A1CF: variants seen among roughly 807,000 people sequenced by gnomAD.
A1CF encodes APOBEC1 complementation factor.
A1CF carries 48 observed loss-of-function variants against 68.9 expected under a neutral mutation model. That is an observed-to-expected ratio of 0.70 (90% CI 0.55 to 0.89). A1CF has a LOEUF of 0.89. Ranked by LOEUF, A1CF falls within the 40% of genes least tolerant of loss-of-function variation. A1CF has a pLI of 0.00. For synonymous variants in A1CF, 272 were observed against 260.4 expected (o/e 1.04, Z -0.43); for missense variants, 653 against 718.9 (o/e 0.91, Z 1.05).
At chr10:50,872,370 T>C (rs1445493122) in intron 1 of A1CF, among the ~76,000 whole-genome samples, 2 of 152,144 alleles carry the variant, frequency 1.3e-5, no homozygotes, top group Non-Finnish European at 2.9e-5. Flanking sequence ...GGGTAATAAA[T>C]CAAGGTAGAG....
chr10:50,806,580 A>G lies in A1CF; in HGVS notation c.*149T>C. The G allele has an allele frequency of 1.8e-6, 1 of 547,296 alleles. No individual in the cohort carries two copies. The highest frequency in any genetic ancestry group is 2.8e-6 in the Non-Finnish European group (1 of 357,350). The allele number at this position is 547,296 out of a possible 1,614,324, so 33.9% of individuals were successfully genotyped here. A position where few individuals can be genotyped will look rare whatever the true frequency, so the allele number is the denominator to read the frequency against. On this transcript the variant is annotated 3_prime_UTR_variant, in exon 13 of 13. Transcript: ENST00000373997. ...AATAACGTTCTTACTTCATGATTCT[A>G]TAATTGGTATAAGCTATACAGTCTC... is the stretch of plus-strand genomic sequence containing the variant.
At chr10:50,852,409 C>T (rs189013267) in intron 3 of A1CF, among the ~76,000 whole-genome samples, 23 of 152,252 alleles carry the variant, frequency 1.5e-4, no homozygotes, top group Admixed American at 3.3e-4. Context: ...TTTCACACCA[C>T]GCTATGGCAT....
intron 1 of A1CF, among the ~76,000 whole-genome samples, chr10:50,881,413 T>C (rs1173630421): frequency 3.3e-5 from 5 of 152,234 alleles, no homozygotes; most frequent in Admixed American, 2.6e-4. Context: ...TAATCAGATT[T>C]GTACAATTGG....
Position 50,836,199 on chromosome 10 carries a change from G to T in A1CF, c.479C>A (p.Thr160Asn), listed in dbSNP as rs1279321864. 1 of 1,613,866 alleles carries T rather than the reference G, an allele frequency of 6.2e-7. No individual in the cohort carries two copies. The highest frequency in any genetic ancestry group is 8.5e-7 in the Non-Finnish European group (1 of 1,179,916). ...GACGATGACATCGACAACACCTTCAGTAACCTTTTTCATCTCCGATAAGAT... is the reference window on the plus strand; with the variant it reads ...GACGATGACATCGACAACACCTTCATTAACCTTTTTCATCTCCGATAAGAT... ...EEILSEMKKV[T>N]EGVVDVIVYP... Residue 160 changes from threonine (T) to asparagine (N), a missense_variant, in exon 6 of 13, where the codon ACT becomes AAT. Physicochemically the swap from Thr to Asn is moderately conservative, Grantham distance 65. Transcript: ENST00000373997.
chr10:50,861,957 G>A (rs1840767216), intron 2 of A1CF, among the ~76,000 whole-genome samples: 1 of 150,340 alleles, frequency 6.7e-6, no homozygotes, highest in South Asian at 2.1e-4. Context: ...CGTAATAATA[G>A]TAATACTATA....
intron 2 of A1CF, among the ~76,000 whole-genome samples, 175 bp from the exon 3 acceptor site, chr10:50,860,160 A>T (rs1398713926): frequency 6.6e-6 from 1 of 152,146 alleles, no homozygotes; most frequent in Non-Finnish European, 1.5e-5. Flanking sequence ...AAAAACTTTT[A>T]AAAATGCACA....
At chr10:50,837,804 C>T (rs1036198231) in intron 5 of A1CF, among the ~76,000 whole-genome samples, 29 of 151,990 alleles carry the variant, frequency 1.9e-4, no homozygotes, top group African/African-American at 7.0e-4. Context: ...GCTCTGCAGT[C>T]GTTAAAAAGA....
rs1391073251 is a variant in A1CF, at chr10:50,806,750, C to T, written c.1740G>A (p.Gly580=). 3.1e-6 allele frequency: 5 copies of T among 1,607,396 alleles called. No homozygotes were observed. The highest frequency in any genetic ancestry group is 4.2e-6 in the Non-Finnish European group (5 of 1,177,272). Residue 580 remains glycine (G), a synonymous_variant, in exon 13 of 13, where the codon GGG becomes GGA. Coordinates refer to ENST00000373997, the MANE Select transcript of A1CF (RefSeq NM_014576.4). ...VYPTFAVTAR[G]DGYGTF Reference sequence around the variant, plus strand: ...ATCTTCAGAAGGTGCCATATCCATCCCCTCGGGCAGTCACTGCAAAAGTTG... The same window carrying T: ...ATCTTCAGAAGGTGCCATATCCATCTCCTCGGGCAGTCACTGCAAAAGTTG...
At position 50,847,154 on chromosome 10, in the gene A1CF, C is replaced by A. The variant is rs558529712; in HGVS notation, c.100-3032G>T. On this transcript the variant is annotated intron_variant, in intron 3 of 12. Coordinates refer to ENST00000373997, the MANE Select transcript of A1CF (RefSeq NM_014576.4). The stretch of plus-strand genomic sequence containing the variant: ...TCAAGGGAAGCATTCTCCCCAGCAG[C>A]ACAAATGTATTAATAGTTCAGACTA... Among the ~76,000 whole-genome samples the A allele has an allele frequency of 7.9e-5, 12 of 152,288 alleles. No homozygotes were observed. In the South Asian group the frequency reaches 2.5e-3, roughly 32 times the overall value.
intron 3 of A1CF, among the ~76,000 whole-genome samples, chr10:50,853,749 A>C (rs1350314707): frequency 1.2e-5 from 1 of 81,682 alleles, no homozygotes; most frequent in Non-Finnish European, 2.6e-5. Context: ...TGGAGTCAGC[A>C]ATTTTTTTTT....
At chr10:50,843,412 C>T (rs1414106006) in intron 4 of A1CF, among the ~76,000 whole-genome samples, 1 of 152,116 alleles carries the variant, frequency 6.6e-6, no homozygotes, top group East Asian at 1.9e-4. Context: ...CTAAATTTTT[C>T]AGGAATGTGC....
At chr10:50,818,764 C>T (rs1470076512) in intron 8 of A1CF, among the ~76,000 whole-genome samples, 1 of 152,238 alleles carries the variant, frequency 6.6e-6, no homozygotes, top group South Asian at 2.1e-4. Context: ...TTTCTCCACC[C>T]CACCCTCCAG....
In A1CF at chr10:50,806,641, G is replaced by T; in HGVS notation, c.*88C>A. ...TTTCTTTAGGAAACATATTATTTAT[G>T]ATCATTGGGGACCGAGTTAGAGGTT... On this transcript the variant is annotated 3_prime_UTR_variant, in exon 13 of 13. Transcript: ENST00000373997. 1.6e-6 allele frequency: 2 copies of T among 1,252,646 alleles called. No homozygotes were observed. The highest frequency in any genetic ancestry group is 2.1e-6 in the Non-Finnish European group (2 of 932,036). The allele number at this position is 1,252,646 out of a possible 1,614,324, so 77.6% of individuals were successfully genotyped here. A position where few individuals can be genotyped will look rare whatever the true frequency, so the allele number is the denominator to read the frequency against.
intron 1 of A1CF, among the ~76,000 whole-genome samples, chr10:50,872,677 C>T (rs1372978651): frequency 6.6e-6 from 1 of 152,048 alleles, no homozygotes; most frequent in East Asian, 1.9e-4. Flanking sequence ...GGTAACTTAG[C>T]CTCTTTGCCG....
rs201036765 is a variant in A1CF at position 50,806,672 on chromosome 10, CTT to C, written c.*55_*56del. 227 of 1,118,430 alleles carry C rather than the reference CTT, an allele frequency of 2.0e-4. No homozygotes were observed. Among genetic ancestry groups the C allele is most frequent in the South Asian group, 5.0e-4 (28 of 55,458 alleles). 69.3% of individuals were successfully genotyped at this position (1,118,430 alleles called of 1,614,324 possible). On this transcript the variant is annotated 3_prime_UTR_variant, in exon 13 of 13. Transcript: ENST00000373997. ...TGGGGACCGAGTTAGAGGTTTATTT[CTT>C]TTTTTTTTTTAATAGAGTTTTGTGT...
chr10:50,806,628 A>G lies in A1CF; in HGVS notation c.*101T>C. 8.8e-7 allele frequency: 1 copy of G among 1,133,910 alleles called. No individual in the cohort carries two copies. The highest frequency in any genetic ancestry group is 2.1e-5 in the South Asian group (1 of 47,676). 70.2% of individuals were successfully genotyped at this position (1,133,910 alleles called of 1,614,324 possible). On this transcript the variant is annotated 3_prime_UTR_variant, in exon 13 of 13. Coordinates refer to ENST00000373997, the MANE Select transcript of A1CF (RefSeq NM_014576.4). ...CTCTGGAAAGGCATTTCTTTAGGAA[A>G]CATATTATTTATGATCATTGGGGAC...
At chr10:50,809,758 CT>C (rs1838006722) in intron 12 of A1CF, 135 bp downstream of exon 12, 2 of 1,344,980 alleles carry the variant, frequency 1.5e-6, no homozygotes. Context: ...TTGGGAAACT[CT>C]TTTTGGTCCC....
intron 6 of A1CF, 29 bp from the exon 7 acceptor site, chr10:50,828,324 A>G: frequency 2.0e-6 from 3 of 1,483,376 alleles, no homozygotes; most frequent in Non-Finnish European, 2.7e-6. Context: ...ATTATGATTA[A>G]TTATGTAGGA....
intron 9 of A1CF, among the ~76,000 whole-genome samples, chr10:50,814,637 G>A (rs978961156): frequency 6.6e-5 from 10 of 152,260 alleles, no homozygotes; most frequent in Admixed American, 2.6e-4. Flanking sequence ...GATTCCTTTT[G>A]ATTTTTGTTT....
Sources: allele counts gnomAD v4.1 joint callset (sites outside exome capture counted in the v4.1 genomes callset), GRCh38; gene constraint gnomAD v4.1.1; transcripts MANE v1.5; gene names NCBI Gene and HGNC (gene_info 2026-07-23, HGNC 2026-07-21).